Variants in PNPT1 observed in about 807,000 individuals in gnomAD.
The protein encoded by PNPT1 is polyribonucleotide nucleotidyltransferase 1, mitochondrial.
In PNPT1, 53 loss-of-function variants were observed where a neutral mutation model predicts 119.5. That is an observed-to-expected ratio of 0.44 (90% confidence interval 0.36 to 0.56). The LOEUF (loss-of-function observed/expected upper bound fraction) is 0.56, where lower values mean the gene tolerates loss of function less well. Among genes scored for constraint, PNPT1 ranks in the 20% least tolerant of loss-of-function variants. The pLI is 0.00. For missense variants in PNPT1, 948 were observed against 938.5 expected (o/e 1.01, Z -0.13); for synonymous variants, 357 against 322.1 (o/e 1.11, Z -1.16).
intron 1 of PNPT1, among the ~76,000 whole-genome samples, chr2:55,692,680 T>C (rs562294662): frequency 6.6e-5 from 10 of 152,308 alleles, no homozygotes; most frequent in South Asian, 4.1e-4. Context: ...ATGAGGGTAA[T>C]AGTACCTTTA....
Position 55,645,400 on chromosome 2 carries a change from T to G in PNPT1, c.1771A>C (p.Lys591Gln), listed in dbSNP as rs542676905. The G allele has an allele frequency of 9.9e-5, 159 of 1,612,482 alleles. No individual in the cohort carries two copies. In the Middle Eastern group the frequency reaches 1.8e-3, roughly 18 times the overall value. ...AKKEILQIMN[K>Q]TISKPRASRK... ...GATGCTCGAGGTTTTGAAATAGTTT[T>G]GTTCATGATCTGTAATATCTCCTTT... is the stretch of plus-strand genomic sequence containing the variant. Residue 591 changes from lysine to glutamine, a missense_variant, in exon 22 of 28, where the codon AAA becomes CAA. Lys to Gln is a moderately conservative substitution (Grantham distance 53, BLOSUM62 1). Transcript: ENST00000447944.
chr2:55,678,086 T>TTAGG (rs1017982431), intron 8 of PNPT1, among the ~76,000 whole-genome samples: 29 of 152,324 alleles, frequency 1.9e-4, no homozygotes, highest in African/African-American at 7.0e-4. Context: ...TGTATGCTTA[T>TTAGG]TAGGTAACAT....
At chr2:55,655,442 T>C (rs1020387560) in intron 17 of PNPT1, among the ~76,000 whole-genome samples, 3 of 152,192 alleles carry the variant, frequency 2.0e-5, no homozygotes, top group Non-Finnish European at 2.9e-5. Context: ...TTCTATTGCA[T>C]AGTATTGCTA....
At chr2:55,674,549 C>T (rs555579421) in intron 8 of PNPT1, among the ~76,000 whole-genome samples, 3 of 152,074 alleles carry the variant, frequency 2.0e-5, no homozygotes, top group African/African-American at 4.8e-5. Flanking sequence ...GCTGAGATCA[C>T]GCCACTGCAC....
chr2:55,688,698 C>T (rs1479501620), intron 1 of PNPT1, among the ~76,000 whole-genome samples: 1 of 152,014 alleles, frequency 6.6e-6, no homozygotes, highest in African/African-American at 2.4e-5. Flanking sequence ...GCAGTCCAGC[C>T]TGGGTGACAG....
chr2:55,673,146 A>T, intron 8 of PNPT1, 67 bp from the exon 9 acceptor site: 1 of 1,250,070 alleles, frequency 8.0e-7, no homozygotes, highest in East Asian at 2.5e-5. Context: ...ACATTTTCAA[A>T]TACCATGACA....
intron 4 of PNPT1, among the ~76,000 whole-genome samples, chr2:55,684,600 A>C (rs967354760): frequency 2.0e-5 from 3 of 152,278 alleles, no homozygotes; most frequent in African/African-American, 7.2e-5. Flanking sequence ...ACTATTCTGA[A>C]CATGAAAAAA....
intron 18 of PNPT1, among the ~76,000 whole-genome samples, chr2:55,654,250 C>G (rs1389920986): frequency 8.3e-6 from 1 of 120,004 alleles, no homozygotes. Flanking sequence ...GAGCGAGACT[C>G]TGTCTCAAAA....
chr2:55,686,255 A>C, intron 3 of PNPT1, 115 bp downstream of exon 3: 1 of 893,456 alleles, frequency 1.1e-6, no homozygotes, highest in Non-Finnish European at 1.7e-6. Flanking sequence ...ACTAGGAAAA[A>C]TTCTTTGTTG....
At chr2:55,667,202 C>A in intron 12 of PNPT1, 109 bp from the exon 13 acceptor site, 1 of 729,718 alleles carries the variant, frequency 1.4e-6, no homozygotes, top group Non-Finnish European at 2.3e-6. Flanking sequence ...TCATAATCCC[C>A]TGTGGAACTT....
intron 1 of PNPT1, among the ~76,000 whole-genome samples, chr2:55,689,869 T>C (rs754974636): frequency 7.9e-5 from 12 of 152,252 alleles, no homozygotes; most frequent in Non-Finnish European, 1.5e-4. Flanking sequence ...TTGCCCAGGC[T>C]GGAGTGCCGT....
chr2:55,684,555 A>G (rs1697340727), intron 4 of PNPT1, among the ~76,000 whole-genome samples: 1 of 152,226 alleles, frequency 6.6e-6, no homozygotes, highest in Non-Finnish European at 1.5e-5. Context: ...TTATGGACAT[A>G]TTTCAGTAGC....
intron 8 of PNPT1, among the ~76,000 whole-genome samples, chr2:55,675,630 T>C (rs764387521): frequency 1.3e-5 from 2 of 151,960 alleles, no homozygotes; most frequent in Non-Finnish European, 2.9e-5. Flanking sequence ...CCCCACAGTT[T>C]GAGGCTGTAG....
intron 26 of PNPT1, 35 bp from the exon 27 acceptor site, chr2:55,637,634 G>A: frequency 6.7e-7 from 1 of 1,502,684 alleles, no homozygotes; most frequent in Non-Finnish European, 9.3e-7. Flanking sequence ...TAGTTGTTGT[G>A]CATAATTATG....
intron 1 of PNPT1, among the ~76,000 whole-genome samples, chr2:55,689,833 T>G (rs1464078879): frequency 2.0e-5 from 3 of 152,212 alleles, no homozygotes; most frequent in Non-Finnish European, 4.4e-5. Context: ...CTGTATTTAC[T>G]TATTTTGAGA....
At chr2:55,693,537 A>G in intron 1 of PNPT1, 126 bp downstream of exon 1, 1 of 1,348,496 alleles carries the variant, frequency 7.4e-7, no homozygotes, top group Non-Finnish European at 1.0e-6. Context: ...TTTGGAATTT[A>G]GGTTTAGGGT....
intron 5 of PNPT1, among the ~76,000 whole-genome samples, chr2:55,682,639 G>A (rs1204809144): frequency 2.6e-5 from 4 of 152,132 alleles, no homozygotes; most frequent in African/African-American, 9.7e-5. Context: ...CGGGTGTGGT[G>A]GCTCATGTCT....
intron 25 of PNPT1, among the ~76,000 whole-genome samples, chr2:55,642,945 T>C (rs1695878731): frequency 6.6e-6 from 1 of 152,022 alleles, no homozygotes; most frequent in Non-Finnish European, 1.5e-5. Context: ...AGTGAGACCA[T>C]GTCTTTACAA....
intron 8 of PNPT1, among the ~76,000 whole-genome samples, chr2:55,678,665 G>C (rs545761241): frequency 6.6e-6 from 1 of 152,304 alleles, no homozygotes; most frequent in African/African-American, 2.4e-5. Flanking sequence ...GATTTCTTAA[G>C]ATGTCATGTA....
Sources: allele counts gnomAD v4.1 joint callset (sites outside exome capture counted in the v4.1 genomes callset), GRCh38; gene constraint gnomAD v4.1.1; transcripts MANE v1.5; gene names NCBI Gene and HGNC (gene_info 2026-07-23, HGNC 2026-07-21).